SOS2: variants seen among roughly 807,000 people sequenced by gnomAD.
SOS2 encodes SOS Ras/Rho guanine nucleotide exchange factor 2.
In SOS2, 65 loss-of-function variants were observed where a neutral mutation model predicts 148.2. That is an observed-to-expected ratio of 0.44 (90% CI 0.36 to 0.54). The LOEUF is 0.54. Among genes scored for constraint, SOS2 ranks in the 20% least tolerant of loss-of-function variants. SOS2 has a pLI of 0.00. For synonymous variants in SOS2, 539 were observed against 537.1 expected (o/e 1.00, Z -0.05); for missense variants, 1,341 against 1,590.2 (o/e 0.84, Z 2.67).
chr14:50,215,545 A>AAATC (rs1887019142), intron 1 of SOS2: 1 of 1,094,960 alleles, frequency 9.1e-7, no homozygotes. Context: ...CTTTAACAGT[A>AAATC]GATTAACAAG....
At chr14:50,180,509 TAGTG>T (rs758972148) in intron 7 of SOS2, 59 bp downstream of exon 7, 5 of 673,750 alleles carry the variant, frequency 7.4e-6, no homozygotes, top group Non-Finnish European at 1.2e-5. Context: ...AAGGATAAAA[TAGTG>T]AGATATTTAT....
chr14:50,180,710 T>C (rs1885705787), intron 6 of SOS2, 28 bp from the exon 7 acceptor site: 1 of 1,267,316 alleles, frequency 7.9e-7, no homozygotes, highest in Non-Finnish European at 1.1e-6. Context: ...GAAAAAGCAT[T>C]AGGTTTAAAA....
At chr14:50,198,902 T>C (rs947260187) in intron 4 of SOS2, among the ~76,000 whole-genome samples, 1 of 152,226 alleles carries the variant, frequency 6.6e-6, no homozygotes, top group Non-Finnish European at 1.5e-5. Flanking sequence ...CTCATGCCTA[T>C]AATCCCAACA....
intron 10 of SOS2, 78 bp from the exon 11 acceptor site, chr14:50,158,724 C>G: frequency 1.1e-6 from 1 of 879,850 alleles, no homozygotes; most frequent in African/African-American, 1.7e-5. Context: ...TATTTGGAGG[C>G]CTTCCTCCCT....
At chr14:50,227,903 C>T (rs1461277948) in intron 1 of SOS2, among the ~76,000 whole-genome samples, 1 of 151,994 alleles carries the variant, frequency 6.6e-6, no homozygotes, top group African/African-American at 2.4e-5. Flanking sequence ...TAAAAACTAG[C>T]CAAAACTGGA....
chr14:50,126,492 A>G (rs1666764278), intron 21 of SOS2, among the ~76,000 whole-genome samples: 2 of 152,178 alleles, frequency 1.3e-5, no homozygotes, highest in Admixed American at 6.5e-5. Flanking sequence ...TTATCTGTCG[A>G]TTAAAAATAA....
At chr14:50,194,241 G>A (rs138660009) in intron 4 of SOS2, among the ~76,000 whole-genome samples, 1 of 152,140 alleles carries the variant, frequency 6.6e-6, no homozygotes, top group Non-Finnish European at 1.5e-5. Flanking sequence ...GAGCAGAGAA[G>A]AGTAGATGCA....
chr14:50,173,560 T>C (rs1291713659), intron 8 of SOS2, among the ~76,000 whole-genome samples: 1 of 152,154 alleles, frequency 6.6e-6, no homozygotes, highest in Non-Finnish European at 1.5e-5. Context: ...TAGCTGGGAC[T>C]ACAGGCGCCT....
At position 50,118,116 on chromosome 14, in the gene SOS2, G is replaced by A; in HGVS notation, c.*228C>T. The A allele has an allele frequency of 2.1e-6, 1 of 486,106 alleles. No individual in the cohort carries two copies. The highest frequency in any genetic ancestry group is 3.6e-6 in the Non-Finnish European group (1 of 276,226). 30.1% of individuals were successfully genotyped at this position (486,106 alleles called of 1,614,324 possible). A position where few individuals can be genotyped will look rare whatever the true frequency, so the allele number is the denominator to read the frequency against. On this transcript the variant is annotated 3_prime_UTR_variant, in exon 23 of 23. Transcript: ENST00000216373. Reference sequence around the variant, plus strand: ...ATAAATTCTTTATACTGGCCTTTTGGCAGCACTGAGGATCCAAGACAAGGC... The same window carrying A: ...ATAAATTCTTTATACTGGCCTTTTGACAGCACTGAGGATCCAAGACAAGGC...
At chr14:50,174,266 A>G (rs1375940673) in intron 8 of SOS2, among the ~76,000 whole-genome samples, 188 bp downstream of exon 8, 1 of 152,218 alleles carries the variant, frequency 6.6e-6, no homozygotes, top group Non-Finnish European at 1.5e-5. Flanking sequence ...AAAAAATATT[A>G]ACTTCAAAAG....
At chr14:50,224,304 A>AAATATATAT (rs1243000778) in intron 1 of SOS2, among the ~76,000 whole-genome samples, 1 of 62,692 alleles carries the variant, frequency 1.6e-5, no homozygotes, top group African/African-American at 6.1e-5. Flanking sequence ...AAAAAAAAAA[A>AAATATATAT]ATATATATAT....
chr14:50,200,887 A>C lies in SOS2; in HGVS notation c.345+66T>G, dbSNP rs537443865. 11 of 1,482,886 alleles carry C rather than the reference A, an allele frequency of 7.4e-6. No individual in the cohort carries two copies. In the East Asian group the frequency reaches 1.8e-4, roughly 25 times the overall value. 91.9% of individuals were successfully genotyped at this position (1,482,886 alleles called of 1,614,324 possible). A position where few individuals can be genotyped will look rare whatever the true frequency, so the allele number is the denominator to read the frequency against. On this transcript the variant is annotated intron_variant, in intron 3 of 22. Transcript: ENST00000216373. ...GACCATGCTACATTAATGCTTTATA[A>C]ATATAGAAATAAAATATTACTTGTT...
intron 1 of SOS2, among the ~76,000 whole-genome samples, chr14:50,219,326 G>A (rs1217268049): frequency 6.6e-6 from 1 of 152,006 alleles, no homozygotes; most frequent in East Asian, 1.9e-4. Context: ...TCTACACAAT[G>A]GAATACACTA....
At chr14:50,205,417 T>C (rs1170474254) in intron 1 of SOS2, among the ~76,000 whole-genome samples, 1 of 152,086 alleles carries the variant, frequency 6.6e-6, no homozygotes, top group Non-Finnish European at 1.5e-5. Flanking sequence ...ATAGATAACT[T>C]GAATAGCCTC....
chr14:50,130,828 G>C (rs1164511888), intron 19 of SOS2, 66 bp from the exon 20 acceptor site: 3 of 1,400,610 alleles, frequency 2.1e-6, no homozygotes, highest in Non-Finnish European at 2.9e-6. Context: ...CTGTGACTTA[G>C]AGCTACCTTA....
rs376430458 is a variant in SOS2, at chr14:50,222,137, T to C, written c.87+9060A>G. On this transcript the variant is annotated intron_variant, in intron 1 of 22. Transcript: ENST00000216373. ...AAATTATTTTGGTATTTAAATTCCA[T>C]TCAGCACATTTAAAAGACTGATGCA... is the stretch of plus-strand genomic sequence containing the variant. 3.9e-5 allele frequency among the ~76,000 whole-genome samples: 6 copies of C among 152,294 alleles called. No individual in the cohort carries two copies. In the East Asian group the frequency reaches 5.8e-4, roughly 15 times the overall value.
upstream of SOS2, among the ~76,000 whole-genome samples, chr14:50,231,847 GC>G (rs972913334): frequency 6.6e-6 from 1 of 152,210 alleles, no homozygotes; most frequent in African/African-American, 2.4e-5. Context: ...CACAGCGCTG[GC>G]CGCCGTTGCT....
intron 16 of SOS2, among the ~76,000 whole-genome samples, chr14:50,140,443 C>G (rs913008633): frequency 2.0e-5 from 3 of 152,116 alleles, no homozygotes; most frequent in African/African-American, 7.2e-5. Context: ...AAGGAGAAGA[C>G]AACTATCAGA....
chr14:50,144,761 C>T (rs1191881521), intron 16 of SOS2, among the ~76,000 whole-genome samples: 1 of 151,976 alleles, frequency 6.6e-6, no homozygotes, highest in African/African-American at 2.4e-5. Flanking sequence ...TGAAATAGTT[C>T]TTCCCGTGTT....
Sources: gnomAD v4.1 joint callset for allele counts (sites outside exome capture counted in the v4.1 genomes callset) on GRCh38, gnomAD v4.1.1 for gene constraint, MANE v1.5 for transcripts, NCBI Gene and HGNC (gene_info 2026-07-23, HGNC 2026-07-21) for gene names.